The following RAPGEF4 variants were observed in gnomAD, a reference collection of about 807,000 sequenced individuals.
The protein encoded by RAPGEF4 is RAP guanine-nucleotide-exchange factor (GEF) 4.
In RAPGEF4, 66 loss-of-function variants were observed where a neutral mutation model predicts 147.9. The ratio of observed to expected loss-of-function variants is 0.45; its 90% CI spans 0.37 to 0.55. RAPGEF4 has a LOEUF of 0.55. Ranked by LOEUF, RAPGEF4 falls within the 20% of genes least tolerant of loss-of-function variation. The pLI is 0.00. For synonymous variants in RAPGEF4, 419 were observed against 442.7 expected (o/e 0.95, Z 0.67); for missense variants, 1,071 against 1,257.3 (o/e 0.85, Z 2.24).
At chr2:172,937,037 CAA>C (rs34104170) in intron 6 of RAPGEF4, among the ~76,000 whole-genome samples, 6 of 52,594 alleles carry the variant, frequency 1.1e-4, no homozygotes, top group East Asian at 6.6e-4. Flanking sequence ...CCTCTCTCTG[CAA>C]AAAAAAAAAA....
intron 10 of RAPGEF4, among the ~76,000 whole-genome samples, chr2:172,978,205 C>T (rs61595530): frequency 2.6e-5 from 4 of 152,024 alleles, no homozygotes; most frequent in Admixed American, 6.5e-5. Context: ...CACACCCCCC[C>T]CAGAGCTTCC....
At chr2:172,869,206 A>T (rs1295797181) in intron 4 of RAPGEF4, among the ~76,000 whole-genome samples, 1 of 152,232 alleles carries the variant, frequency 6.6e-6, no homozygotes, top group Non-Finnish European at 1.5e-5. Context: ...GACCTCAATG[A>T]GATAACACAG....
chr2:172,830,678 G>A (rs1690199503), intron 4 of RAPGEF4, among the ~76,000 whole-genome samples: 2 of 152,226 alleles, frequency 1.3e-5, no homozygotes, highest in Non-Finnish European at 2.9e-5. Context: ...ATCACGGCTC[G>A]CTGTAGTCTT....
At chr2:172,878,908 T>C (rs918019963) in intron 4 of RAPGEF4, among the ~76,000 whole-genome samples, 2 of 152,206 alleles carry the variant, frequency 1.3e-5, no homozygotes, top group African/African-American at 4.8e-5. Context: ...TCAATAAATA[T>C]GCAGTGATGG....
At chr2:172,994,131 A>C (rs1693090186) in intron 15 of RAPGEF4, among the ~76,000 whole-genome samples, 1 of 152,198 alleles carries the variant, frequency 6.6e-6, no homozygotes, top group Admixed American at 6.5e-5. Flanking sequence ...CTAGCTATAG[A>C]GCTTGCAACT....
At chr2:172,941,298 T>A (rs1334713107) in intron 6 of RAPGEF4, among the ~76,000 whole-genome samples, 1 of 152,202 alleles carries the variant, frequency 6.6e-6, no homozygotes, top group Non-Finnish European at 1.5e-5. Context: ...TAATAATTTT[T>A]ACCTTATTTC....
rs371888953 is a variant in RAPGEF4 at position 173,027,278 on chromosome 2, G to A, written c.2558+19G>A. ...CAGCCCAGTAAGTATATTTAGCTTG[G>A]AAAGAGAAAAAAAAATGTTGAGCTG... On this transcript the variant is annotated intron_variant, in intron 25 of 30. Coordinates refer to ENST00000397081, the MANE Select transcript of RAPGEF4 (RefSeq NM_007023.4). The A allele has an allele frequency of 2.0e-6, 3 of 1,537,134 alleles. No homozygotes were observed. Among genetic ancestry groups the A allele is most frequent in the Admixed American group, 2.2e-5 (1 of 45,552 alleles).
At chr2:172,885,438 C>G (rs1682340617) in intron 4 of RAPGEF4, among the ~76,000 whole-genome samples, 2 of 152,256 alleles carry the variant, frequency 1.3e-5, no homozygotes, top group South Asian at 4.1e-4. Flanking sequence ...AGCTGGTCGC[C>G]CTGTGTATTA....
intron 11 of RAPGEF4, among the ~76,000 whole-genome samples, chr2:172,983,824 G>A (rs1406133085): frequency 6.6e-6 from 1 of 152,178 alleles, no homozygotes; most frequent in Non-Finnish European, 1.5e-5. Context: ...CCCCATGTGA[G>A]TAGGGTTGGA....
At chr2:173,013,353 C>T (rs1455335152) in intron 17 of RAPGEF4, among the ~76,000 whole-genome samples, 1 of 152,216 alleles carries the variant, frequency 6.6e-6, no homozygotes, top group Non-Finnish European at 1.5e-5. Context: ...AACCTCTGCA[C>T]TCTCACTCTG....
chr2:173,036,789 C>A, intron 29 of RAPGEF4, 97 bp downstream of exon 29: 1 of 795,354 alleles, frequency 1.3e-6, no homozygotes, highest in Non-Finnish European at 2.0e-6. Context: ...TGCTGCCCTG[C>A]TAAAAAGGTA....
At chr2:172,960,880 A>G (rs371757780) in intron 7 of RAPGEF4, 67 bp downstream of exon 7, 10 of 1,306,020 alleles carry the variant, frequency 7.7e-6, no homozygotes, top group African/African-American at 7.4e-5. Flanking sequence ...GAGGTGGTCC[A>G]TATGTCAGGG....
chr2:172,832,869 C>T (rs911981084), intron 4 of RAPGEF4, among the ~76,000 whole-genome samples: 14 of 152,212 alleles, frequency 9.2e-5, no homozygotes, highest in African/African-American at 3.1e-4. Context: ...ATAGAATTGG[C>T]TCTTGGTATC....
chr2:172,787,859 A>G (rs1315710715), intron 1 of RAPGEF4, among the ~76,000 whole-genome samples: 1 of 152,006 alleles, frequency 6.6e-6, no homozygotes, highest in African/African-American at 2.4e-5. Context: ...GGCTCAAGCA[A>G]CCCTCCCACC....
chr2:172,841,997 A>G (rs1217982388), intron 4 of RAPGEF4, among the ~76,000 whole-genome samples: 1 of 152,216 alleles, frequency 6.6e-6, no homozygotes, highest in African/African-American at 2.4e-5. Context: ...AACACCTGCC[A>G]TAGTGTGTAT....
chr2:172,933,615 A>G (rs1229719966), intron 6 of RAPGEF4, among the ~76,000 whole-genome samples: 1 of 152,236 alleles, frequency 6.6e-6, no homozygotes, highest in Non-Finnish European at 1.5e-5. Context: ...GCATGAATGA[A>G]ATTAAAATGT....
chr2:172,908,867 G>A (rs1699852895), intron 4 of RAPGEF4, among the ~76,000 whole-genome samples: 2 of 152,046 alleles, frequency 1.3e-5, no homozygotes, highest in Admixed American at 1.3e-4. Context: ...GGACTTGTCT[G>A]CAATGACCCA....
chr2:172,866,385 G>T (rs1185630058), intron 4 of RAPGEF4, among the ~76,000 whole-genome samples: 1 of 152,002 alleles, frequency 6.6e-6, no homozygotes, highest in East Asian at 1.9e-4. Context: ...TGACATTGTG[G>T]ATTCCTTTCC....
intron 17 of RAPGEF4, among the ~76,000 whole-genome samples, chr2:173,012,095 T>A (rs1406540609): frequency 6.6e-6 from 1 of 152,190 alleles, no homozygotes; most frequent in African/African-American, 2.4e-5. Flanking sequence ...TAAATTGGCA[T>A]GATCTGAGAG....
Sources: gnomAD v4.1 joint callset for allele counts (sites outside exome capture counted in the v4.1 genomes callset) on GRCh38, gnomAD v4.1.1 for gene constraint, MANE v1.5 for transcripts, NCBI Gene and HGNC (gene_info 2026-07-23, HGNC 2026-07-21) for gene names.